The following ARHGAP42 variants were observed in gnomAD, a reference collection of about 807,000 sequenced individuals.
The protein encoded by ARHGAP42 is Rho GTPase activating protein 42.
Under a neutral mutation model 125.0 loss-of-function variants are expected in ARHGAP42, and 63 were observed. That is an observed-to-expected ratio of 0.50 (90% CI 0.41 to 0.62). The LOEUF (loss-of-function observed/expected upper bound fraction) is 0.62. Ranked by LOEUF, ARHGAP42 falls within the 20% of genes least tolerant of loss-of-function variation. The probability of loss-of-function intolerance (pLI) is 0.00; values close to 1 mark genes in which losing one functional copy is unlikely to be tolerated. For missense variants in ARHGAP42, 766 were observed against 1,024.2 expected, an observed-to-expected ratio of 0.75 and a Z score of 3.44; for synonymous variants, 339 against 351.0, an observed-to-expected ratio of 0.97 and a Z score of 0.38.
chr11:100,957,429 G>C (rs552628737), intron 12 of ARHGAP42, among the ~76,000 whole-genome samples: 16 of 151,932 alleles, frequency 1.1e-4, no homozygotes, highest in Non-Finnish European at 2.1e-4. Flanking sequence ...ATAAATGAAG[G>C]AACTTGTTTA....
intron 4 of ARHGAP42, among the ~76,000 whole-genome samples, chr11:100,904,928 T>C (rs1866679334): frequency 6.6e-6 from 1 of 152,208 alleles, no homozygotes; most frequent in Non-Finnish European, 1.5e-5. Context: ...TTAATTGTTC[T>C]CCCAGTCTTG....
intron 2 of ARHGAP42, 93 bp downstream of exon 2, chr11:100,770,531 T>A (rs1382741379): frequency 4.0e-6 from 4 of 991,256 alleles, no homozygotes; most frequent in Non-Finnish European, 5.7e-6. Flanking sequence ...TGTAAAATAT[T>A]TTCTGACTTT....
At chr11:100,979,153 G>T in intron 22 of ARHGAP42, 104 bp downstream of exon 22, 1 of 1,150,806 alleles carries the variant, frequency 8.7e-7, no homozygotes, top group Non-Finnish European at 1.3e-6. Context: ...CCATTATGCA[G>T]ATGGTCAAAT....
At chr11:100,820,864 G>GTAA (rs1385327053) in intron 3 of ARHGAP42, among the ~76,000 whole-genome samples, 1 of 151,724 alleles carries the variant, frequency 6.6e-6, no homozygotes, top group African/African-American at 2.4e-5. Context: ...ATGATTTCTA[G>GTAA]TAATAACATT....
At chr11:100,881,050 GCTAACTGTT>G (rs1365566988) in intron 4 of ARHGAP42, among the ~76,000 whole-genome samples, 1 of 152,050 alleles carries the variant, frequency 6.6e-6, no homozygotes, top group Non-Finnish European at 1.5e-5. Flanking sequence ...TGTTTACTGT[GCTAACTGTT>G]CCTTTTGCCA....
intron 2 of ARHGAP42, among the ~76,000 whole-genome samples, chr11:100,771,206 G>C (rs544634700): frequency 1.3e-5 from 2 of 152,224 alleles, no homozygotes; most frequent in African/African-American, 4.8e-5. Context: ...CTAATCTGAC[G>C]TTGCCTCAGT....
At chr11:100,853,644 T>C (rs868024514) in intron 3 of ARHGAP42, among the ~76,000 whole-genome samples, 1 of 152,284 alleles carries the variant, frequency 6.6e-6, no homozygotes, top group Middle Eastern at 3.4e-3. Flanking sequence ...CTTCCTCTGC[T>C]AGATTCTGTG....
rs549302202 is a variant in ARHGAP42 at position 100,976,356 on chromosome 11, C to T, written c.2155C>T (p.Leu719=). 2 of 1,551,522 alleles carry T rather than the reference C, an allele frequency of 1.3e-6. No individual in the cohort carries two copies. The highest frequency in any genetic ancestry group is 2.4e-5 in the South Asian group (2 of 84,008). ...SPGDVSPPID[L]VKKEPYGLSG... is the part of the protein sequence containing the mutation. ...AGGAGACGTTTCCCCACCCATAGAC[C>T]TAGTCAAGAAAGAGCCTTATGGGCT... is the stretch of plus-strand genomic sequence containing the variant. The change falls in exon 20 of 24, where the codon CTA becomes TTA. Residue 719 remains leucine (L), a synonymous_variant. Transcript: ENST00000298815.
intron 6 of ARHGAP42, among the ~76,000 whole-genome samples, chr11:100,923,192 A>C (rs1051234554): frequency 6.6e-6 from 1 of 152,028 alleles, no homozygotes; most frequent in Non-Finnish European, 1.5e-5. Flanking sequence ...CCAGAATCCC[A>C]CCATGGTTTT....
chr11:100,921,027 G>A (rs553847971), intron 5 of ARHGAP42, among the ~76,000 whole-genome samples: 6 of 150,448 alleles, frequency 4.0e-5, no homozygotes, highest in South Asian at 4.2e-4. Context: ...TGTCTCCTTC[G>A]TGCCTCTACT....
At chr11:100,722,785 A>T (rs61910480) in intron 1 of ARHGAP42, among the ~76,000 whole-genome samples, 35,806 of 152,214 alleles carry the variant, frequency 0.24, 4,406 homozygotes, top group Non-Finnish European at 0.26. Context: ...CACAGAACAG[A>T]CATTTTCAAT....
At position 100,991,164 on chromosome 11, in the gene ARHGAP42, T is replaced by C. The variant is rs1858821573; in HGVS notation, c.*2363T>C. On this transcript the variant is annotated 3_prime_UTR_variant, in exon 24 of 24. Coordinates refer to ENST00000298815, the MANE Select transcript of ARHGAP42 (RefSeq NM_152432.4). ...AATCTTCTAGATTTGTGAGGATGGC[T>C]CTTTTTCCTTCATAATGGATTACAA... The C allele has an allele frequency of 6.6e-6, 1 of 151,244 alleles. No individual in the cohort carries two copies. Among genetic ancestry groups the C allele is most frequent in the Non-Finnish European group, 1.5e-5 (1 of 67,574 alleles). 9.4% of individuals were successfully genotyped at this position (151,244 alleles called of 1,614,324 possible).
chr11:100,813,169 T>G (rs1277335062), intron 3 of ARHGAP42, among the ~76,000 whole-genome samples: 75 of 152,072 alleles, frequency 4.9e-4, no homozygotes, highest in Admixed American at 4.0e-3. Flanking sequence ...TTGGTAGGAT[T>G]TCTCCACCTC....
rs558300917 is a variant in ARHGAP42, at chr11:100,697,340, G to T, written c.154+9508G>T. 1.6e-3 allele frequency among the ~76,000 whole-genome samples: 241 copies of T among 152,142 alleles called. 1 individual carries two copies. Among genetic ancestry groups the T allele is most frequent in the Middle Eastern group, 3.4e-3 (1 of 294 alleles). ...TGGGACTACGGGCGCCCGGCACCACGCCCGGCTGATTTTTTGTATTTTTAG... is the reference window on the plus strand; with the variant it reads ...TGGGACTACGGGCGCCCGGCACCACTCCCGGCTGATTTTTTGTATTTTTAG... On this transcript the variant is annotated intron_variant, in intron 1 of 23. Coordinates refer to ENST00000298815, the MANE Select transcript of ARHGAP42 (RefSeq NM_152432.4).
In ARHGAP42 at chr11:100,770,391, A is replaced by G; in HGVS notation, c.203A>G (p.Gln68Arg). 2.6e-6 allele frequency: 4 copies of G among 1,550,742 alleles called. No homozygotes were observed. Among genetic ancestry groups the G allele is most frequent in the Non-Finnish European group, 2.6e-6 (3 of 1,146,622 alleles). Residue 68 changes from glutamine to arginine, a missense_variant, in exon 2 of 24, where the codon CAG becomes CGG. By Grantham distance (43) the Gln-to-Arg change is conservative (BLOSUM62 1). Around this residue, in one of 3 missense-constraint regions of ARHGAP42, gnomAD observed 455 missense variants for 636.5 expected, o/e 0.71. Transcript: ENST00000298815. ...TTTTCCCAGTCATTGCAAGATTTCC[A>G]GTTTGAATGTATTGGTGATGCTGAA... is the stretch of plus-strand genomic sequence containing the variant. ...QKFSQSLQDF[Q>R]FECIGDAETD...
chr11:100,941,684 A>AG lies in ARHGAP42; in HGVS notation c.833-99dup, dbSNP rs1867889745. On this transcript the variant is annotated intron_variant, in intron 8 of 23. Coordinates refer to ENST00000298815, the MANE Select transcript of ARHGAP42 (RefSeq NM_152432.4). ...ATGTTACAAACTAGCATGGTATAGG[A>AG]GAGATAATCGGTTGTATATCATAGC... 7.7e-6 allele frequency: 5 copies of AG among 649,412 alleles called. No individual in the cohort carries two copies. In the South Asian group the frequency reaches 1.1e-4, roughly 14 times the overall value. The allele number at this position is 649,412 out of a possible 1,614,324, so 40.2% of individuals were successfully genotyped here.
chr11:100,952,049 T>C lies in ARHGAP42; in HGVS notation c.1162+2093T>C, dbSNP rs184209605. Among the ~76,000 whole-genome samples the C allele has an allele frequency of 1.2e-3, 184 of 152,360 alleles. 2 individuals are homozygous for C. Among genetic ancestry groups the C allele is most frequent in the African/African-American group, 4.0e-3 (166 of 41,596 alleles). On this transcript the variant is annotated intron_variant, in intron 12 of 23. Transcript: ENST00000298815. ...GAAGAAATATTACAAGCTTCTACTTTAGTGCTTAAAGTTATGAATCTTAAG... is the reference window on the plus strand; with the variant it reads ...GAAGAAATATTACAAGCTTCTACTTCAGTGCTTAAAGTTATGAATCTTAAG...
intron 22 of ARHGAP42, 91 bp from the exon 23 acceptor site, chr11:100,987,422 A>G (rs763565656): frequency 1.7e-4 from 180 of 1,089,362 alleles, no homozygotes; most frequent in Non-Finnish European, 2.4e-4. Context: ...AATTACAAGT[A>G]AAAATTAATA....
intron 1 of ARHGAP42, among the ~76,000 whole-genome samples, chr11:100,745,461 C>T (rs192578386): frequency 7.2e-5 from 11 of 152,238 alleles, no homozygotes; most frequent in Admixed American, 7.2e-4. Context: ...CAGCACCTGA[C>T]AAGAATAAGT....
Sources: gnomAD v4.1 joint callset for allele counts (sites outside exome capture counted in the v4.1 genomes callset) on GRCh38, gnomAD v4.1.1 for gene constraint, gnomAD v4.1.1 regional missense constraint, MANE v1.5 for transcripts, NCBI Gene and HGNC (gene_info 2026-07-23, HGNC 2026-07-21) for gene names.